PDE8B: variants seen among roughly 807,000 people sequenced by gnomAD.
The protein encoded by PDE8B is high affinity cAMP-specific and IBMX-insensitive 3',5'-cyclic phosphodiesterase 8B.
Under a neutral mutation model 101.3 loss-of-function variants are expected in PDE8B, and 26 were observed. The ratio of observed to expected loss-of-function variants is 0.26; its 90% confidence interval spans 0.19 to 0.36. PDE8B has a LOEUF of 0.36. PDE8B is among the 10% of genes least tolerant of loss of function. The probability of loss-of-function intolerance (pLI) is 1.00; values close to 1 mark genes in which losing one functional copy is unlikely to be tolerated. For synonymous variants in PDE8B, 424 were observed against 429.3 expected, an observed-to-expected ratio of 0.99 and a Z score of 0.15; for missense variants, 810 against 1,163.1, an observed-to-expected ratio of 0.70 and a Z score of 4.42.
At chr5:77,275,011 CA>C (rs998561051) in intron 1 of PDE8B, among the ~76,000 whole-genome samples, 1 of 151,352 alleles carries the variant, frequency 6.6e-6, no homozygotes, top group Non-Finnish European at 1.5e-5. Flanking sequence ...CTGAGAAATG[CA>C]AAAAAAATGT....
intron 10 of PDE8B, among the ~76,000 whole-genome samples, chr5:77,398,318 CTTTTTTTTTTT>C (rs70988672): frequency 8.6e-6 from 1 of 116,004 alleles, no homozygotes; most frequent in Non-Finnish European, 1.7e-5. Flanking sequence ...AGCTGTTTTA[CTTTTTTTTTTT>C]TTTTTTTTTT....
intron 12 of PDE8B, among the ~76,000 whole-genome samples, chr5:77,405,002 T>TG (rs1793138990): frequency 6.6e-6 from 1 of 151,770 alleles, no homozygotes; most frequent in Non-Finnish European, 1.5e-5. Context: ...GTCGTCTCTT[T>TG]GGAGGGACTC....
At chr5:77,184,728 C>T in the PDE8B span, among the ~76,000 whole-genome samples, 4 of 151,862 alleles carry the variant, frequency 2.6e-5, no homozygotes, top group Admixed American at 2.6e-4. Flanking sequence ...ACCTATAATC[C>T]CAGCACTTTA....
chr5:77,223,831 G>T (rs1751739205), intron 1 of PDE8B, among the ~76,000 whole-genome samples: 2 of 152,250 alleles, frequency 1.3e-5, no homozygotes, highest in Admixed American at 6.5e-5. Flanking sequence ...TGGCAGTGGT[G>T]CTGCCTGAGT....
the PDE8B span, among the ~76,000 whole-genome samples, chr5:77,116,715 TAAGA>T: frequency 6.6e-6 from 1 of 152,076 alleles, no homozygotes; most frequent in Non-Finnish European, 1.5e-5. Context: ...AAACAGAAAC[TAAGA>T]AAGTAATAGG....
chr5:77,121,757 C>T, the PDE8B span, among the ~76,000 whole-genome samples: 250 of 152,276 alleles, frequency 1.6e-3, no homozygotes, highest in African/African-American at 5.4e-3. Flanking sequence ...CCACCCGCCT[C>T]GGCCTCCCAG....
intron 4 of PDE8B, 131 bp from the exon 5 acceptor site, chr5:77,331,271 T>C: frequency 2.5e-6 from 2 of 801,420 alleles, no homozygotes; most frequent in Non-Finnish European, 4.5e-6. Flanking sequence ...GTGTGCCCCG[T>C]GGGCACGTGC....
chr5:77,274,251 A>G lies in PDE8B; in HGVS notation c.340-37743A>G, dbSNP rs142937928. ...AAAAATCCCTATGAGGTAGGGAGGT[A>G]TTATTATTTGCATTATAGAGGTAAA... On this transcript the variant is annotated intron_variant, in intron 1 of 21. Transcript: ENST00000264917. Among the ~76,000 whole-genome samples the G allele has an allele frequency of 7.6e-3, 1,160 of 152,310 alleles. 7 individuals are homozygous for G. The highest frequency in any genetic ancestry group is 0.013 in the Non-Finnish European group (888 of 68,018).
chr5:77,103,269 T>C, the PDE8B span, among the ~76,000 whole-genome samples: 1 of 152,236 alleles, frequency 6.6e-6, no homozygotes, highest in African/African-American at 2.4e-5. Flanking sequence ...TGGAAAATAC[T>C]TGAAATAAAT....
intron 6 of PDE8B, among the ~76,000 whole-genome samples, chr5:77,341,260 T>TG (rs999293155): frequency 6.6e-6 from 1 of 152,110 alleles, no homozygotes; most frequent in Non-Finnish European, 1.5e-5. Flanking sequence ...GTGTTTGTTG[T>TG]GGGGGGCAGG....
intron 1 of PDE8B, among the ~76,000 whole-genome samples, chr5:77,256,465 A>G (rs540805750): frequency 2.6e-5 from 4 of 152,342 alleles, no homozygotes; most frequent in Admixed American, 1.3e-4. Context: ...ATAATATTCT[A>G]TATCCATAGA....
chr5:77,175,610 T>C, the PDE8B span, among the ~76,000 whole-genome samples: 1 of 152,246 alleles, frequency 6.6e-6, no homozygotes, highest in East Asian at 1.9e-4. Context: ...AATGATCATT[T>C]TCTTTTCTTG....
chr5:77,376,259 T>C (rs1786115331), intron 10 of PDE8B, among the ~76,000 whole-genome samples: 1 of 152,144 alleles, frequency 6.6e-6, no homozygotes, highest in Admixed American at 6.5e-5. Context: ...CAAGGTTATT[T>C]AGTATCAAAT....
intron 5 of PDE8B, 21 bp downstream of exon 5, chr5:77,331,480 A>ATC: frequency 6.3e-7 from 1 of 1,596,884 alleles, no homozygotes; most frequent in South Asian, 1.1e-5. Flanking sequence ...GATATCCAGC[A>ATC]TCTCTCTCAG....
chr5:77,401,411 A>G (rs901024179), intron 11 of PDE8B, among the ~76,000 whole-genome samples: 2 of 152,210 alleles, frequency 1.3e-5, no homozygotes, highest in South Asian at 2.1e-4. Context: ...TGCCTTGTAC[A>G]TAATAGACAC....
At chr5:77,127,490 T>C in the PDE8B span, among the ~76,000 whole-genome samples, 1 of 152,196 alleles carries the variant, frequency 6.6e-6, no homozygotes, top group African/African-American at 2.4e-5. Flanking sequence ...CTTTCTTTTA[T>C]AAATTACCCA....
intron 1 of PDE8B, among the ~76,000 whole-genome samples, chr5:77,288,436 A>G (rs1378099643): frequency 6.6e-6 from 1 of 152,206 alleles, no homozygotes; most frequent in African/African-American, 2.4e-5. Flanking sequence ...ACTGGTATCT[A>G]TCTGATACTT....
At chr5:77,220,455 T>C (rs1750863020) in intron 1 of PDE8B, among the ~76,000 whole-genome samples, 1 of 152,220 alleles carries the variant, frequency 6.6e-6, no homozygotes, top group South Asian at 2.1e-4. Flanking sequence ...GTGAGAACTT[T>C]GAATCCTAAA....
chr5:77,401,056 C>T (rs1021878430), intron 11 of PDE8B, among the ~76,000 whole-genome samples: 6 of 152,126 alleles, frequency 3.9e-5, no homozygotes, highest in African/African-American at 1.2e-4. Context: ...ATGTCATTTG[C>T]TCTTTCTAAG....
Sources: allele counts gnomAD v4.1 joint callset (sites outside exome capture counted in the v4.1 genomes callset), GRCh38; gene constraint gnomAD v4.1.1; transcripts MANE v1.5; gene names NCBI Gene and HGNC (gene_info 2026-07-23, HGNC 2026-07-21).